The following CACNA1C variants were observed in gnomAD, a reference collection of about 807,000 sequenced individuals.
The protein encoded by CACNA1C is voltage-dependent L-type calcium channel subunit alpha-1C.
In CACNA1C, 30 loss-of-function variants were observed where a neutral mutation model predicts 229.0. That is an observed-to-expected ratio of 0.13 (90% confidence interval 0.10 to 0.18). The LOEUF is 0.18. CACNA1C is among the 10% of genes least tolerant of loss of function. CACNA1C has a pLI of 1.00. For missense variants in CACNA1C, 1,658 were observed against 2,845.0 expected (o/e 0.58, Z 9.49); for synonymous variants, 1,114 against 1,132.5 (o/e 0.98, Z 0.33).
chr12:2,322,433 C>T (rs1441724364), intron 3 of CACNA1C, among the ~76,000 whole-genome samples: 1 of 152,208 alleles, frequency 6.6e-6, no homozygotes, highest in Non-Finnish European at 1.5e-5. Flanking sequence ...CTCCCAATGG[C>T]CACCAGTGGT....
At chr12:2,178,110 C>A (rs1379945274) in intron 3 of CACNA1C, among the ~76,000 whole-genome samples, 1 of 152,230 alleles carries the variant, frequency 6.6e-6, no homozygotes, top group Non-Finnish European at 1.5e-5. Context: ...GAAGCAGATT[C>A]TCCAAGGAAG....
intron 3 of CACNA1C, among the ~76,000 whole-genome samples, chr12:2,129,782 G>A (rs920248449): frequency 6.6e-6 from 1 of 152,160 alleles, no homozygotes; most frequent in African/African-American, 2.4e-5. Context: ...GATTTGGGAT[G>A]TGCCTTTCAT....
At position 2,277,354 on chromosome 12, in the gene CACNA1C, GACAGACAGACACACACAC is replaced by G. The variant is rs1417860252; in HGVS notation, c.477+156928_477+156945del. Among the ~76,000 whole-genome samples, 704 of 86,766 alleles carry G rather than the reference GACAGACAGACACACACAC, an allele frequency of 8.1e-3. 1 individual carries two copies. The highest frequency in any genetic ancestry group is 0.027 in the Admixed American group (247 of 9,012). 56.9% of individuals were successfully genotyped at this position (86,766 alleles called of 152,430 possible). A position where few individuals can be genotyped will look rare whatever the true frequency, so the allele number is the denominator to read the frequency against. Reference sequence around the variant, plus strand: ...TAGTAGACAGACAGACAGACAGACAGACAGACAGACACACACACACACACACACACACACACACACACA... The same window carrying G: ...TAGTAGACAGACAGACAGACAGACAGACACACACACACACACACACACACA... On this transcript the variant is annotated intron_variant, in intron 3 of 46. Transcript: ENST00000399655.
Position 2,653,149 on chromosome 12 carries a change from C to T in CACNA1C, c.4075-686C>T, listed in dbSNP as rs980321797. 1.6e-4 allele frequency among the ~76,000 whole-genome samples: 25 copies of T among 152,312 alleles called. No individual in the cohort carries two copies. Among genetic ancestry groups the T allele is most frequent in the African/African-American group, 6.0e-4 (25 of 41,564 alleles). ...GTTGCCAGGCAGATAATGCATGGAG[C>T]GAATAGAGCGTATGGAACCCAGCTC... On this transcript the variant is annotated intron_variant, in intron 32 of 46. Coordinates refer to ENST00000399655, the MANE Select transcript of CACNA1C (RefSeq NM_000719.7). The surrounding 1 kb of genome is among the most constrained non-coding windows in gnomAD (Gnocchi z 4.7).
At position 2,476,512 on chromosome 12, in the gene CACNA1C, C is replaced by T. The variant is rs142231687; in HGVS notation, c.758-9592C>T. Among the ~76,000 whole-genome samples, 9 of 152,310 alleles carry T rather than the reference C, an allele frequency of 5.9e-5. No individual in the cohort carries two copies. In the East Asian group the frequency reaches 7.7e-4, roughly 13 times the overall value. On this transcript the variant is annotated intron_variant, in intron 5 of 46. Coordinates refer to ENST00000399655, the MANE Select transcript of CACNA1C (RefSeq NM_000719.7). ...TGGTACCCAGCAGGTGCCGAGTCCTCGGGAAATGGTAGTTAATACTATTAT... is the reference window on the plus strand; with the variant it reads ...TGGTACCCAGCAGGTGCCGAGTCCTTGGGAAATGGTAGTTAATACTATTAT...
chr12:2,505,058 C>G (rs891671644), intron 8 of CACNA1C, 113 bp downstream of exon 8: 2 of 668,448 alleles, frequency 3.0e-6, no homozygotes, highest in Non-Finnish European at 5.3e-6. Context: ...GATAAGGGGT[C>G]ACCACAGGAG....
intron 29 of CACNA1C, among the ~76,000 whole-genome samples, chr12:2,625,284 A>G (rs7968633): frequency 0.86 from 130,930 of 152,260 alleles, 58,412 homozygotes; most frequent in Non-Finnish European, 0.97. Context: ...TTTAATGTAG[A>G]AAATTATTCA....
At chr12:2,292,925 C>T (rs908533881) in intron 3 of CACNA1C, among the ~76,000 whole-genome samples, 23 of 150,818 alleles carry the variant, frequency 1.5e-4, no homozygotes, top group Non-Finnish European at 2.8e-4. Flanking sequence ...TCCGTAATTG[C>T]GTCCTTTCTT....
chr12:2,406,588 T>C (rs2098739759), intron 3 of CACNA1C, among the ~76,000 whole-genome samples: 3 of 152,276 alleles, frequency 2.0e-5, no homozygotes, highest in Admixed American at 2.0e-4. Context: ...CTTTTTACTT[T>C]TAAAATGTTC....
intron 3 of CACNA1C, among the ~76,000 whole-genome samples, chr12:2,441,595 G>T (rs570901020): frequency 3.3e-5 from 5 of 152,116 alleles, no homozygotes; most frequent in Non-Finnish European, 7.4e-5. Context: ...AGGGCCTGGC[G>T]GTCTCCCTCG....
chr12:2,657,637 A>G (rs752049557), intron 34 of CACNA1C, among the ~76,000 whole-genome samples: 240 of 152,318 alleles, frequency 1.6e-3, no homozygotes, highest in Non-Finnish European at 2.9e-3. Flanking sequence ...GAACAAAGAT[A>G]ATAATTGCTA....
chr12:2,054,073 G>A lies in CACNA1C; in HGVS notation c.49+462G>A, dbSNP rs1458853766. Among the ~76,000 whole-genome samples the A allele has an allele frequency of 1.4e-5, 2 of 147,956 alleles. No individual in the cohort carries two copies. The highest frequency in any genetic ancestry group is 4.9e-5 in the African/African-American group (2 of 40,930). On this transcript the variant is annotated intron_variant, in intron 1 of 46. Transcript: ENST00000399655. This position sits in a 1 kb window ranked among gnomAD's most constrained non-coding sequence, Gnocchi z 5.5. ...CGCGCACCCTGCGCCGGCAGAGCCC[G>A]GCGCCCACGGCCGCCCCTGGGGCGC...
intron 3 of CACNA1C, among the ~76,000 whole-genome samples, chr12:2,243,997 G>A (rs1478988936): frequency 6.6e-6 from 1 of 152,226 alleles, no homozygotes; most frequent in Non-Finnish European, 1.5e-5. Flanking sequence ...TATGGATATA[G>A]AACTGAGTTA....
intron 10 of CACNA1C, chr12:2,550,507 A>T (rs759761944): frequency 7.5e-7 from 1 of 1,337,012 alleles, no homozygotes; most frequent in South Asian, 1.2e-5. Flanking sequence ...GATGACTGGC[A>T]TGTGGGTCCT....
intron 5 of CACNA1C, among the ~76,000 whole-genome samples, chr12:2,484,572 A>G (rs1415788560): frequency 6.6e-6 from 1 of 151,896 alleles, no homozygotes; most frequent in Non-Finnish European, 1.5e-5. Flanking sequence ...GTGTCCCTTT[A>G]TGTCCCACAC....
intron 3 of CACNA1C, among the ~76,000 whole-genome samples, chr12:2,302,964 G>T (rs934643466): frequency 1.3e-5 from 2 of 152,196 alleles, no homozygotes; most frequent in African/African-American, 4.8e-5. Flanking sequence ...GCCCCGGGAG[G>T]GGGGCCTGGT....
At chr12:2,110,417 G>A (rs2081204417) in intron 1 of CACNA1C, among the ~76,000 whole-genome samples, 1 of 152,210 alleles carries the variant, frequency 6.6e-6, no homozygotes, top group Non-Finnish European at 1.5e-5. Context: ...TCAGGGGTGG[G>A]AGCATCCGTG....
chr12:2,211,060 T>C (rs996167819), intron 3 of CACNA1C, among the ~76,000 whole-genome samples: 18 of 152,208 alleles, frequency 1.2e-4, no homozygotes, highest in African/African-American at 3.9e-4. Flanking sequence ...CTAGTTAGTG[T>C]CAGGACTGAC....
intron 1 of CACNA1C, among the ~76,000 whole-genome samples, chr12:2,103,656 C>G (rs572614976): frequency 1.8e-4 from 28 of 152,284 alleles, no homozygotes; most frequent in African/African-American, 6.3e-4. Context: ...TTGCCCATGC[C>G]AATGTCCTTA....
Sources: gnomAD v4.1 joint callset for allele counts (sites outside exome capture counted in the v4.1 genomes callset) on GRCh38, gnomAD v4.1.1 for gene constraint, Gnocchi (gnomAD v3.1) non-coding constraint, MANE v1.5 for transcripts, NCBI Gene and HGNC (gene_info 2026-07-23, HGNC 2026-07-21) for gene names.